Variants in SHANK2 observed in about 807,000 individuals in gnomAD.
SHANK2 encodes the protein SH3 and multiple ankyrin repeat domains protein 2.
A neutral mutation model predicts 133.7 loss-of-function variants in SHANK2; 43 were observed. The observed-to-expected ratio is 0.32, with a 90% CI of 0.25 to 0.41. SHANK2 has a LOEUF of 0.41. Among genes scored for constraint, SHANK2 ranks in the 10% least tolerant of loss-of-function variants. SHANK2 has a pLI of 1.00. For missense variants in SHANK2, 1,994 were observed against 2,235.8 expected (o/e 0.89, Z 2.18); for synonymous variants, 1,017 against 952.8 (o/e 1.07, Z -1.24).
rs187189978 is a variant in SHANK2, at chr11:70,574,883, C to A, written c.2062-71952G>T. On this transcript the variant is annotated intron_variant, in intron 17 of 25. Transcript: ENST00000601538. ...ACCCCAAACCTCGCTGCCCGGCAAG[C>A]TTTCTTTGCTTTCCTTCCCCATCCT... 2.2e-3 allele frequency among the ~76,000 whole-genome samples: 338 copies of A among 152,308 alleles called. 1 individual carries two copies. The highest frequency in any genetic ancestry group is 3.6e-3 in the Non-Finnish European group (243 of 68,030).
At chr11:70,757,224 C>T (rs868909428) in intron 14 of SHANK2, among the ~76,000 whole-genome samples, 34 of 152,304 alleles carry the variant, frequency 2.2e-4, no homozygotes, top group Admixed American at 1.6e-3. Flanking sequence ...GGTTTGAATC[C>T]CACCCAGCTT....
At chr11:70,586,211 C>T (rs1554986709) in intron 17 of SHANK2, among the ~76,000 whole-genome samples, 1 of 151,866 alleles carries the variant, frequency 6.6e-6, no homozygotes, top group Admixed American at 6.5e-5. Context: ...TGAATGTCGC[C>T]CAGGAGTCAG....
At chr11:70,640,938 G>C (rs1490779063) in intron 17 of SHANK2, among the ~76,000 whole-genome samples, 2 of 152,252 alleles carry the variant, frequency 1.3e-5, no homozygotes, top group Non-Finnish European at 2.9e-5. Flanking sequence ...GGGATGCAAA[G>C]AGCCTCTTCG....
chr11:71,222,008 G>C (rs1555121244), intron 2 of SHANK2, among the ~76,000 whole-genome samples: 1 of 152,150 alleles, frequency 6.6e-6, no homozygotes, highest in Non-Finnish European at 1.5e-5. Flanking sequence ...AGCCGCTGGA[G>C]GGTGAAGCGC....
rs555559544 is a variant in SHANK2 at position 70,874,896 on chromosome 11, C to T, written c.1174+21605G>A. ...ACAGGGCATGGAGACCAGGCCATTC[C>T]GGACCCTGCAGACTTCACTCCAGTC... On this transcript the variant is annotated intron_variant, in intron 11 of 25. Coordinates refer to ENST00000601538, the MANE Select transcript of SHANK2 (RefSeq NM_012309.5). 3.9e-5 allele frequency among the ~76,000 whole-genome samples: 6 copies of T among 152,234 alleles called. No homozygotes were observed. In the East Asian group the frequency reaches 5.8e-4, roughly 15 times the overall value.
chr11:70,828,616 C>G (rs1289034061), intron 11 of SHANK2, among the ~76,000 whole-genome samples: 1 of 152,314 alleles, frequency 6.6e-6, no homozygotes, highest in East Asian at 1.9e-4. Context: ...GGTGGACCAG[C>G]CAGGGGGGCC....
chr11:70,574,227 T>G (rs2060087296), intron 17 of SHANK2, among the ~76,000 whole-genome samples: 2 of 152,224 alleles, frequency 1.3e-5, no homozygotes, highest in South Asian at 4.1e-4. Context: ...CGACACAGAC[T>G]GCGGAGGTGT....
Position 70,472,754 on chromosome 11 carries a change from C to T in SHANK2, c.*115G>A. 9.4e-7 allele frequency: 1 copy of T among 1,068,522 alleles called. No individual in the cohort carries two copies. The highest frequency in any genetic ancestry group is 1.5e-6 in the Non-Finnish European group (1 of 688,066). The allele number at this position is 1,068,522 out of a possible 1,614,324, so 66.2% of individuals were successfully genotyped here. A position where few individuals can be genotyped will look rare whatever the true frequency, so the allele number is the denominator to read the frequency against. ...CAGTATTTCTTTGGGTACCAGGAGA[C>T]AAACCCATGGAGTGGGGTTGATGCT... On this transcript the variant is annotated 3_prime_UTR_variant, in exon 26 of 26. Transcript: ENST00000601538. This position sits in a 1 kb window ranked among gnomAD's most constrained non-coding sequence, Gnocchi z 4.4.
At chr11:70,793,634 C>A (rs1407364306) in intron 14 of SHANK2, among the ~76,000 whole-genome samples, 10 of 152,148 alleles carry the variant, frequency 6.6e-5, no homozygotes, top group African/African-American at 2.2e-4. Context: ...AATAAGATAT[C>A]ATTTCATATC....
intron 17 of SHANK2, among the ~76,000 whole-genome samples, chr11:70,578,007 C>G (rs1428962606): frequency 6.6e-6 from 1 of 152,154 alleles, no homozygotes; most frequent in Non-Finnish European, 1.5e-5. Context: ...CAGCCCTGTT[C>G]CATCTTGATC....
In SHANK2 at chr11:70,804,550, C is replaced by T. The variant is rs912706278; in HGVS notation, c.1663+2452G>A. Among the ~76,000 whole-genome samples the T allele has an allele frequency of 2.6e-5, 4 of 152,118 alleles. No individual in the cohort carries two copies. The highest frequency in any genetic ancestry group is 4.4e-5 in the Non-Finnish European group (3 of 68,008). On this transcript the variant is annotated intron_variant, in intron 13 of 25. Coordinates refer to ENST00000601538, the MANE Select transcript of SHANK2 (RefSeq NM_012309.5). The surrounding 1 kb of genome is among the most constrained non-coding windows in gnomAD (Gnocchi z 4.1). ...GCACGCCCCACGCTCCTGCGAGGGG[C>T]GGGTTCCAGTCTGGTCATGTTTGAG...
chr11:71,117,776 T>C (rs1200768358), intron 4 of SHANK2, among the ~76,000 whole-genome samples: 7 of 152,176 alleles, frequency 4.6e-5, no homozygotes, highest in Non-Finnish European at 7.3e-5. Flanking sequence ...CTAGTGCACC[T>C]CTTCATCAGC....
intron 17 of SHANK2, among the ~76,000 whole-genome samples, chr11:70,532,213 T>C (rs1554973352): frequency 6.6e-6 from 1 of 152,178 alleles, no homozygotes; most frequent in African/African-American, 2.4e-5. Flanking sequence ...GTCAGTTCCA[T>C]AAGGCAGGTG....
chr11:70,849,365 T>C (rs560234184), intron 11 of SHANK2, among the ~76,000 whole-genome samples: 2 of 152,304 alleles, frequency 1.3e-5, no homozygotes, highest in Admixed American at 1.3e-4. Context: ...ATCCACAATC[T>C]ATTCTCCCTA....
chr11:70,755,506 G>C (rs1466491901), intron 14 of SHANK2, among the ~76,000 whole-genome samples: 1 of 152,240 alleles, frequency 6.6e-6, no homozygotes, highest in East Asian at 1.9e-4. Flanking sequence ...CTGGTGCCCT[G>C]TGGGCACCCG....
chr11:70,592,010 G>A (rs1257157994), intron 17 of SHANK2, among the ~76,000 whole-genome samples: 2 of 151,864 alleles, frequency 1.3e-5, no homozygotes, highest in Non-Finnish European at 2.9e-5. Flanking sequence ...TCCAGTCTGG[G>A]CGATAGAGCG....
intron 17 of SHANK2, among the ~76,000 whole-genome samples, chr11:70,590,048 G>A (rs77715984): frequency 2.6e-5 from 4 of 152,174 alleles, no homozygotes; most frequent in African/African-American, 9.7e-5. Flanking sequence ...CCAGCTACTC[G>A]GGAGGCTGAG....
chr11:70,534,742 T>C (rs1267631806), intron 17 of SHANK2, among the ~76,000 whole-genome samples: 10 of 152,170 alleles, frequency 6.6e-5, no homozygotes, highest in African/African-American at 2.4e-4. Context: ...TAAATGACAG[T>C]GACACAGTTC....
intron 17 of SHANK2, among the ~76,000 whole-genome samples, chr11:70,622,905 G>A (rs1253792594): frequency 3.3e-5 from 5 of 152,270 alleles, no homozygotes; most frequent in Non-Finnish European, 4.4e-5. Flanking sequence ...AGCCAGGTGC[G>A]GTGGCTCACA....
Sources: gnomAD v4.1 joint callset for allele counts (sites outside exome capture counted in the v4.1 genomes callset) on GRCh38, gnomAD v4.1.1 for gene constraint, Gnocchi (gnomAD v3.1) non-coding constraint, MANE v1.5 for transcripts, NCBI Gene and HGNC (gene_info 2026-07-23, HGNC 2026-07-21) for gene names.